The following CFAP77 variants were observed in gnomAD, a reference collection of about 807,000 sequenced individuals.
CFAP77 encodes the protein cilia and flagella associated protein 77, also known as cilia- and flagella-associated protein 77.
In CFAP77, 25 loss-of-function variants were observed where a neutral mutation model predicts 31.1. The observed-to-expected ratio is 0.80, with a 90% CI of 0.59 to 1.12. The LOEUF (loss-of-function observed/expected upper bound fraction) is 1.12, where lower values mean the gene tolerates loss of function less well. Ranked by LOEUF, CFAP77 falls within the 50% of genes most tolerant of loss-of-function variation. CFAP77 has a pLI of 0.00. For missense variants in CFAP77, 377 were observed against 397.3 expected, an observed-to-expected ratio of 0.95 and a Z score of 0.44; for synonymous variants, 151 against 159.9, an observed-to-expected ratio of 0.94 and a Z score of 0.42.
Position 132,499,273 on chromosome 9 carries a change from G to A in CFAP77, c.296-99G>A. 2 of 1,051,212 alleles carry A rather than the reference G, an allele frequency of 1.9e-6. No homozygotes were observed. The highest frequency in any genetic ancestry group is 2.8e-6 in the Non-Finnish European group (2 of 715,106). The allele number at this position is 1,051,212 out of a possible 1,614,324, so 65.1% of individuals were successfully genotyped here. On this transcript the variant is annotated intron_variant, in intron 2 of 5. Transcript: ENST00000393216. The surrounding 1 kb of genome is among the most constrained non-coding windows in gnomAD (Gnocchi z 5.4). ...CCCAGTAGGCTCAGGTAAATGGGAAGGCCGAGGACCCGCGTGCCCCCATTT... is the reference window on the plus strand; with the variant it reads ...CCCAGTAGGCTCAGGTAAATGGGAAAGCCGAGGACCCGCGTGCCCCCATTT...
chr9:132,531,123 C>T (rs1852439290), intron 3 of CFAP77, among the ~76,000 whole-genome samples: 1 of 152,244 alleles, frequency 6.6e-6, no homozygotes, highest in Non-Finnish European at 1.5e-5. Context: ...GCCCAATTTA[C>T]AATATCCTGA....
chr9:132,462,576 G>A (rs1017281416), intron 1 of CFAP77, among the ~76,000 whole-genome samples: 3 of 152,144 alleles, frequency 2.0e-5, no homozygotes, highest in Non-Finnish European at 4.4e-5. Flanking sequence ...GTCTTTGGGA[G>A]GCCGAGGTGG....
rs773122812 is a variant in CFAP77 at position 132,499,389 on chromosome 9, G to A, written c.313G>A (p.Val105Met). The change falls in exon 3 of 6, where the codon GTG becomes ATG. Residue 105 changes from valine to methionine, a missense_variant. Coordinates refer to ENST00000393216, the MANE Select transcript of CFAP77 (RefSeq NM_001282957.2). The surrounding 1 kb of genome is among the most constrained non-coding windows in gnomAD (Gnocchi z 5.4). ...GCCCTCAGCCATCGGACGCTGGAAC[G>A]TGTTCAAGCAGCAGCCCACCTGCCC... ...GVPEAIGRWN[V>M]FKQQPTCPHE... is the part of the protein sequence containing the mutation. 2.0e-5 allele frequency: 32 copies of A among 1,614,022 alleles called. No individual in the cohort carries two copies. The highest frequency in any genetic ancestry group is 3.3e-4 in the Middle Eastern group (2 of 6,082).
chr9:132,522,836 T>C (rs995022502), intron 3 of CFAP77, among the ~76,000 whole-genome samples: 2 of 152,320 alleles, frequency 1.3e-5, no homozygotes, highest in African/African-American at 2.4e-5. Flanking sequence ...CTGTGCATGG[T>C]AGGCGGAGCT....
chr9:132,458,026 C>T (rs1317258379), intron 1 of CFAP77, among the ~76,000 whole-genome samples: 1 of 152,202 alleles, frequency 6.6e-6, no homozygotes, highest in Admixed American at 6.5e-5. Flanking sequence ...CGGGGCCTCC[C>T]TCCCTCGTCA....
intron 3 of CFAP77, among the ~76,000 whole-genome samples, chr9:132,518,430 G>A (rs980440826): frequency 3.3e-5 from 5 of 152,074 alleles, no homozygotes; most frequent in East Asian, 3.9e-4. Context: ...ACCCGGATTC[G>A]GATCCTGGCT....
chr9:132,519,848 G>GGA (rs1564238537), intron 3 of CFAP77, among the ~76,000 whole-genome samples: 26 of 122,916 alleles, frequency 2.1e-4, no homozygotes, highest in Non-Finnish European at 3.2e-4. Flanking sequence ...GGATGGATGG[G>GGA]TGGGTGGGTG....
At chr9:132,546,131 G>A (rs375080441) in intron 5 of CFAP77, among the ~76,000 whole-genome samples, 2 of 152,212 alleles carry the variant, frequency 1.3e-5, no homozygotes, top group East Asian at 1.9e-4. Context: ...AGACTGAACC[G>A]CCAGTACAGC....
At chr9:132,450,776 G>A (rs1850811790) in intron 1 of CFAP77, among the ~76,000 whole-genome samples, 2 of 152,242 alleles carry the variant, frequency 1.3e-5, no homozygotes, top group South Asian at 4.1e-4. Context: ...GCAAGACCAT[G>A]TGGCTGCAGA....
intron 1 of CFAP77, among the ~76,000 whole-genome samples, chr9:132,484,722 CT>C (rs373261701): frequency 0.022 from 3,188 of 145,284 alleles, 94 homozygotes; most frequent in African/African-American, 0.075. Flanking sequence ...TGCCTGTTTT[CT>C]TTTTTTTTTT....
Position 132,495,829 on chromosome 9 carries a change from A to G in CFAP77, c.196-2866A>G, listed in dbSNP as rs1263387766. Among the ~76,000 whole-genome samples, 1 of 152,194 alleles carries G rather than the reference A, an allele frequency of 6.6e-6. No homozygotes were observed. Among genetic ancestry groups the G allele is most frequent in the Non-Finnish European group, 1.5e-5 (1 of 68,038 alleles). Reference sequence around the variant, plus strand: ...AATGAAGAGGAAGAAAGCTAACTCTATCTCTGCTCTCTGCCACGTGAAGAT... The same window carrying G: ...AATGAAGAGGAAGAAAGCTAACTCTGTCTCTGCTCTCTGCCACGTGAAGAT... On this transcript the variant is annotated intron_variant, in intron 1 of 5. Transcript: ENST00000393216. The surrounding 1 kb of genome is among the most constrained non-coding windows in gnomAD (Gnocchi z 4.2).
At chr9:132,450,177 G>A (rs546145938) in intron 1 of CFAP77, among the ~76,000 whole-genome samples, 38 of 151,794 alleles carry the variant, frequency 2.5e-4, no homozygotes, top group African/African-American at 8.2e-4. Flanking sequence ...TGATCTGCCC[G>A]CCTCGCCCTC....
In CFAP77 at chr9:132,565,141, G is replaced by C. The variant is rs1829869594; in HGVS notation, c.733-7247G>C. Among the ~76,000 whole-genome samples, 1 of 151,386 alleles carries C rather than the reference G, an allele frequency of 6.6e-6. No homozygotes were observed. The highest frequency in any genetic ancestry group is 2.1e-4 in the South Asian group (1 of 4,786). ...GCAGATGGAGTAGAAATCTCTTCTA[G>C]GATCTAGTAGCTGCTCATCTCCCCT... On this transcript the variant is annotated intron_variant, in intron 5 of 5. Transcript: ENST00000393216. The surrounding 1 kb of genome is among the most constrained non-coding windows in gnomAD (Gnocchi z 4.1).
chr9:132,483,749 C>T (rs148769180), intron 1 of CFAP77, among the ~76,000 whole-genome samples: 1 of 152,302 alleles, frequency 6.6e-6, no homozygotes, highest in Non-Finnish European at 1.5e-5. Context: ...CCCACCTCAG[C>T]ACAGTCTCAG....
At chr9:132,462,561 C>T (rs370142411) in intron 1 of CFAP77, among the ~76,000 whole-genome samples, 10 of 152,280 alleles carry the variant, frequency 6.6e-5, no homozygotes, top group African/African-American at 2.2e-4. Context: ...TGCAAGAACA[C>T]GTTTGTCTTT....
In CFAP77 at chr9:132,537,583, T is replaced by C. The variant is rs1182844933; in HGVS notation, c.525-18T>C. 4 of 1,599,528 alleles carry C rather than the reference T, an allele frequency of 2.5e-6. No individual in the cohort carries two copies. Among genetic ancestry groups the C allele is most frequent in the Non-Finnish European group, 3.4e-6 (4 of 1,170,660 alleles). ...TCTTTCCGGGGCCTCAAGCTCTGTCTGGACTTCTTCCCTCCAGGCCTTCCA... is the reference window on the plus strand; with the variant it reads ...TCTTTCCGGGGCCTCAAGCTCTGTCCGGACTTCTTCCCTCCAGGCCTTCCA... On this transcript the variant is annotated intron_variant, in intron 3 of 5. Coordinates refer to ENST00000393216, the MANE Select transcript of CFAP77 (RefSeq NM_001282957.2).
chr9:132,431,486 C>T (rs983458616), intron 1 of CFAP77, among the ~76,000 whole-genome samples: 3 of 151,976 alleles, frequency 2.0e-5, no homozygotes, highest in African/African-American at 4.8e-5. Context: ...GCTATGACTG[C>T]GCTTGAGATG....
intron 5 of CFAP77, among the ~76,000 whole-genome samples, chr9:132,562,709 T>TA (rs1424169828): frequency 1.3e-5 from 2 of 152,060 alleles, no homozygotes; most frequent in Non-Finnish European, 2.9e-5. Context: ...TATTTTATTT[T>TA]TTTTTTTTGA....
At chr9:132,474,637 G>C (rs1018748099) in intron 1 of CFAP77, among the ~76,000 whole-genome samples, 1 of 152,136 alleles carries the variant, frequency 6.6e-6, no homozygotes, top group Non-Finnish European at 1.5e-5. Flanking sequence ...CACTCAGTTC[G>C]GGTGGCGGCG....
Sources: gnomAD v4.1 joint callset for allele counts (sites outside exome capture counted in the v4.1 genomes callset) on GRCh38, gnomAD v4.1.1 for gene constraint, Gnocchi (gnomAD v3.1) non-coding constraint, MANE v1.5 for transcripts, NCBI Gene and HGNC (gene_info 2026-07-23, HGNC 2026-07-21) for gene names.